Variants in TAFA5 observed in about 807,000 individuals in gnomAD.
The protein encoded by TAFA5 is TAFA chemokine like family member 5.
In TAFA5, 6 loss-of-function variants were observed where a neutral mutation model predicts 15.3. That is an observed-to-expected ratio of 0.39 (90% confidence interval 0.21 to 0.77). TAFA5 has a LOEUF of 0.77. TAFA5 is among the 30% of genes least tolerant of loss of function. TAFA5 has a pLI of 0.41. For missense variants in TAFA5, 161 were observed against 193.1 expected (o/e 0.83, Z 0.98); for synonymous variants, 103 against 80.7 (o/e 1.28, Z -1.48).
intron 1 of TAFA5, among the ~76,000 whole-genome samples, chr22:48,509,776 C>T (rs9627366): frequency 0.26 from 39,459 of 151,466 alleles, 6,300 homozygotes; most frequent in Middle Eastern, 0.41. Flanking sequence ...ATGGTGAAAC[C>T]CCGTCTCTAC....
chr22:48,701,811 CT>C (rs780328636), intron 2 of TAFA5, among the ~76,000 whole-genome samples: 17 of 152,246 alleles, frequency 1.1e-4, no homozygotes, highest in Admixed American at 4.6e-4. Context: ...CCTCCCTCCC[CT>C]GAAACACAGT....
At chr22:48,627,835 C>G (rs1455955678) in intron 1 of TAFA5, among the ~76,000 whole-genome samples, 1 of 152,230 alleles carries the variant, frequency 6.6e-6, no homozygotes, top group Middle Eastern at 3.2e-3. Context: ...GGCCTGGGCA[C>G]TGAGGCTGCC....
At chr22:48,581,424 C>T (rs919232318) in intron 1 of TAFA5, among the ~76,000 whole-genome samples, 1 of 152,228 alleles carries the variant, frequency 6.6e-6, no homozygotes, top group African/African-American at 2.4e-5. Flanking sequence ...CATCAGTCTC[C>T]CATGTTGCTG....
Position 48,628,716 on chromosome 22 carries a change from C to G in TAFA5, c.113-17881C>G, listed in dbSNP as rs897403895. ...GCCAGAGACAGGGCATGGCTGCCCC[C>G]GGGAGGATTTTAGGCCCCTTCGTAG... is the stretch of plus-strand genomic sequence containing the variant. On this transcript the variant is annotated intron_variant, in intron 1 of 3. Transcript: ENST00000402357. Among the ~76,000 whole-genome samples, 5 of 152,330 alleles carry G rather than the reference C, an allele frequency of 3.3e-5. No individual in the cohort carries two copies. In the South Asian group the frequency reaches 6.2e-4, roughly 19 times the overall value.
chr22:48,506,424 G>T (rs1004201683), intron 1 of TAFA5, among the ~76,000 whole-genome samples: 1 of 152,232 alleles, frequency 6.6e-6, no homozygotes, highest in Non-Finnish European at 1.5e-5. Context: ...TGTTTCCTTT[G>T]GGGTTCTAAT....
intron 1 of TAFA5, among the ~76,000 whole-genome samples, chr22:48,632,788 C>T (rs1420636120): frequency 6.6e-6 from 1 of 152,222 alleles, no homozygotes; most frequent in Non-Finnish European, 1.5e-5. Context: ...CTCGTCATCC[C>T]TGCAGAGAGA....
chr22:48,658,705 G>T (rs1370789919), intron 2 of TAFA5, among the ~76,000 whole-genome samples: 1 of 152,230 alleles, frequency 6.6e-6, no homozygotes, highest in Non-Finnish European at 1.5e-5. Context: ...GGGGCACTGG[G>T]TCTTCAGTGC....
intron 2 of TAFA5, among the ~76,000 whole-genome samples, chr22:48,694,440 C>A (rs1209209177): frequency 6.6e-6 from 1 of 152,144 alleles, no homozygotes; most frequent in Non-Finnish European, 1.5e-5. Flanking sequence ...TGGGGCCCTT[C>A]CGGAGTGCAG....
chr22:48,722,366 C>A (rs561707276), intron 3 of TAFA5, among the ~76,000 whole-genome samples: 2 of 152,324 alleles, frequency 1.3e-5, no homozygotes, highest in African/African-American at 4.8e-5. Flanking sequence ...CCATAGAATA[C>A]TATGCAGTCA....
chr22:48,677,936 C>G (rs1487811768), intron 2 of TAFA5, among the ~76,000 whole-genome samples: 1 of 152,050 alleles, frequency 6.6e-6, no homozygotes, highest in Non-Finnish European at 1.5e-5. Flanking sequence ...TCCTCACCCC[C>G]AGACCTTCCA....
At chr22:48,712,061 C>T (rs1443537941) in intron 3 of TAFA5, among the ~76,000 whole-genome samples, 2 of 152,218 alleles carry the variant, frequency 1.3e-5, no homozygotes, top group South Asian at 2.1e-4. Context: ...TTTCCAGGAT[C>T]ACTGCTTTTT....
rs540258481 is a variant in TAFA5, at chr22:48,751,362, G to A, written c.*1515G>A. On this transcript the variant is annotated 3_prime_UTR_variant, in exon 4 of 4. Transcript: ENST00000402357. Reference sequence around the variant, plus strand: ...GGGCCGGCAGGGCCGAGGAATAAGCGACAATTCTGGTTTTTCTCCCCTGGC... The same window carrying A: ...GGGCCGGCAGGGCCGAGGAATAAGCAACAATTCTGGTTTTTCTCCCCTGGC... 1 of 152,452 alleles carries A rather than the reference G, an allele frequency of 6.6e-6. No homozygotes were observed. The highest frequency in any genetic ancestry group is 1.5e-5 in the Non-Finnish European group (1 of 68,036). The allele number at this position is 152,452 out of a possible 1,614,324, so 9.4% of individuals were successfully genotyped here. A position where few individuals can be genotyped will look rare whatever the true frequency, so the allele number is the denominator to read the frequency against.
intron 2 of TAFA5, among the ~76,000 whole-genome samples, chr22:48,703,410 T>C (rs950673484): frequency 6.6e-6 from 1 of 152,144 alleles, no homozygotes; most frequent in African/African-American, 2.4e-5. Flanking sequence ...TGAGGGTCCT[T>C]TCCGTAGACA....
intron 1 of TAFA5, among the ~76,000 whole-genome samples, chr22:48,562,771 G>A (rs1457494379): frequency 2.0e-5 from 3 of 152,160 alleles, no homozygotes; most frequent in Admixed American, 1.3e-4. Context: ...GGCGGGTCAG[G>A]CCTGAGCCCC....
At chr22:48,707,192 G>A (rs1175376204) in intron 2 of TAFA5, among the ~76,000 whole-genome samples, 12 of 152,174 alleles carry the variant, frequency 7.9e-5, no homozygotes, top group Non-Finnish European at 1.8e-4. Flanking sequence ...ATGGGGGCCA[G>A]GGGTGGTTGT....
At chr22:48,642,234 C>T (rs576656837) in intron 1 of TAFA5, among the ~76,000 whole-genome samples, 1 of 152,328 alleles carries the variant, frequency 6.6e-6, no homozygotes, top group Non-Finnish European at 1.5e-5. Flanking sequence ...GCCACTGTCC[C>T]AGCCCTGCCA....
chr22:48,648,101 A>T (rs730146), intron 2 of TAFA5, among the ~76,000 whole-genome samples: 65,721 of 151,736 alleles, frequency 0.43, 14,739 homozygotes, highest in South Asian at 0.57. Context: ...CAGGGCAGCT[A>T]TATCCGTGGC....
At chr22:48,587,915 T>A (rs1244854965) in intron 1 of TAFA5, among the ~76,000 whole-genome samples, 2 of 152,230 alleles carry the variant, frequency 1.3e-5, no homozygotes, top group Admixed American at 1.3e-4. Flanking sequence ...CAGCCCTCCC[T>A]CCCAGGCTGA....
intron 3 of TAFA5, among the ~76,000 whole-genome samples, chr22:48,747,932 T>C (rs1358848546): frequency 2.0e-5 from 3 of 150,996 alleles, no homozygotes; most frequent in African/African-American, 7.3e-5. Flanking sequence ...GCGTGTTCCT[T>C]CATACAGCAG....
Sources: gnomAD v4.1 joint callset for allele counts (sites outside exome capture counted in the v4.1 genomes callset) on GRCh38, gnomAD v4.1.1 for gene constraint, MANE v1.5 for transcripts, NCBI Gene and HGNC (gene_info 2026-07-23, HGNC 2026-07-21) for gene names.